SLC35F3: variants seen among roughly 807,000 people sequenced by gnomAD.
SLC35F3 encodes the protein solute carrier family 35 member F3, also known as putative thiamine transporter SLC35F3.
In SLC35F3, 25 loss-of-function variants were observed where a neutral mutation model predicts 49.9. The observed-to-expected ratio is 0.50, with a 90% CI of 0.37 to 0.70. The LOEUF is 0.70. Among genes scored for constraint, SLC35F3 ranks in the 30% least tolerant of loss-of-function variants. The pLI is 0.00. For missense variants in SLC35F3, 525 were observed against 639.8 expected (o/e 0.82, Z 1.94); for synonymous variants, 275 against 265.4 (o/e 1.04, Z -0.35).
chr1:234,102,780 C>G (rs984440579), intron 2 of SLC35F3, among the ~76,000 whole-genome samples: 1 of 152,214 alleles, frequency 6.6e-6, no homozygotes, highest in African/African-American at 2.4e-5. Context: ...TGCCGGCTTT[C>G]CACGCGAAGA....
intron 2 of SLC35F3, among the ~76,000 whole-genome samples, chr1:234,068,011 A>G (rs890021114): frequency 6.6e-6 from 1 of 152,212 alleles, no homozygotes; most frequent in Non-Finnish European, 1.5e-5. Flanking sequence ...GCTTGGTTTC[A>G]GGTAACCGAG....
chr1:234,225,946 T>C (rs1667279558), intron 2 of SLC35F3, among the ~76,000 whole-genome samples: 1 of 152,204 alleles, frequency 6.6e-6, no homozygotes, highest in African/African-American at 2.4e-5. Flanking sequence ...TGTATATGTA[T>C]ATGAAATGTT....
intron 2 of SLC35F3, among the ~76,000 whole-genome samples, chr1:233,910,387 G>A (rs1661855470): frequency 6.6e-6 from 1 of 152,210 alleles, no homozygotes. Context: ...ACATATCTTG[G>A]AGTTTCCAGA....
intron 3 of SLC35F3, among the ~76,000 whole-genome samples, chr1:234,276,320 C>T (rs1423271724): frequency 1.3e-5 from 2 of 152,112 alleles, no homozygotes; most frequent in African/African-American, 4.8e-5. Context: ...CCTGTCTTTT[C>T]TCATCCACAG....
At chr1:234,154,291 A>G (rs1666118943) in intron 2 of SLC35F3, among the ~76,000 whole-genome samples, 2 of 152,344 alleles carry the variant, frequency 1.3e-5, no homozygotes, top group African/African-American at 4.8e-5. Context: ...GGCACAGGAA[A>G]GGAGCTCAGA....
At chr1:234,009,427 T>C (rs551017869) in intron 2 of SLC35F3, among the ~76,000 whole-genome samples, 1 of 152,342 alleles carries the variant, frequency 6.6e-6, no homozygotes, top group African/African-American at 2.4e-5. Flanking sequence ...AAGGATGACA[T>C]GTAATCACAC....
chr1:233,945,258 G>T (rs1338863106), intron 2 of SLC35F3, among the ~76,000 whole-genome samples: 9 of 151,998 alleles, frequency 5.9e-5, no homozygotes, highest in African/African-American at 1.9e-4. Flanking sequence ...GCTCCTGAAG[G>T]CCAGGCGGCA....
At chr1:234,038,653 A>C (rs957580734) in intron 2 of SLC35F3, among the ~76,000 whole-genome samples, 1 of 152,212 alleles carries the variant, frequency 6.6e-6, no homozygotes, top group African/African-American at 2.4e-5. Context: ...AATGCTCATC[A>C]TCAGACTGTG....
At position 234,324,064 on chromosome 1, in the gene SLC35F3, G is replaced by A. The variant is rs1657698003; in HGVS notation, c.*821G>A. 6.6e-6 allele frequency: 1 copy of A among 152,250 alleles called. No individual in the cohort carries two copies. Among genetic ancestry groups the A allele is most frequent in the Non-Finnish European group, 1.5e-5 (1 of 68,060 alleles). The allele number at this position is 152,250 out of a possible 1,614,324, so 9.4% of individuals were successfully genotyped here. ...TGTCTGTGTACAAAAAAATGACAGA[G>A]CTGATGGCCAGTGTATACAGAGCGT... is the stretch of plus-strand genomic sequence containing the variant. On this transcript the variant is annotated 3_prime_UTR_variant, in exon 8 of 8. Coordinates refer to ENST00000366618, the MANE Select transcript of SLC35F3 (RefSeq NM_173508.4).
At chr1:233,951,471 A>G (rs902598801) in intron 2 of SLC35F3, among the ~76,000 whole-genome samples, 2 of 151,858 alleles carry the variant, frequency 1.3e-5, no homozygotes, top group Non-Finnish European at 2.9e-5. Flanking sequence ...AATCCATTAT[A>G]CCATATTTTT....
chr1:234,253,898 A>G (rs555292924), intron 3 of SLC35F3, among the ~76,000 whole-genome samples: 1 of 152,350 alleles, frequency 6.6e-6, no homozygotes, highest in South Asian at 2.1e-4. Context: ...TGTGAGGGGT[A>G]GAGTGAGATG....
intron 3 of SLC35F3, among the ~76,000 whole-genome samples, chr1:234,234,026 C>T (rs1667425291): frequency 6.6e-6 from 1 of 152,200 alleles, no homozygotes; most frequent in Admixed American, 6.5e-5. Flanking sequence ...ACATCACAGA[C>T]CTTCCTTAGG....
intron 2 of SLC35F3, among the ~76,000 whole-genome samples, chr1:234,177,399 C>A (rs1001349599): frequency 6.6e-6 from 1 of 152,178 alleles, no homozygotes; most frequent in African/African-American, 2.4e-5. Flanking sequence ...GAGGGAAGCA[C>A]CTCCAAGCCA....
At chr1:234,290,823 AC>A (rs1433249165) in intron 3 of SLC35F3, among the ~76,000 whole-genome samples, 1 of 152,160 alleles carries the variant, frequency 6.6e-6, no homozygotes, top group East Asian at 1.9e-4. Flanking sequence ...ACATTAAAGA[AC>A]CTGAGGGTTC....
At chr1:234,253,821 G>A (rs1667776430) in intron 3 of SLC35F3, among the ~76,000 whole-genome samples, 1 of 152,224 alleles carries the variant, frequency 6.6e-6, no homozygotes. Flanking sequence ...CTTGAACAAT[G>A]TCAAGGGCAA....
chr1:233,953,608 C>G (rs911432450), intron 2 of SLC35F3, among the ~76,000 whole-genome samples: 1 of 152,218 alleles, frequency 6.6e-6, no homozygotes, highest in Non-Finnish European at 1.5e-5. Context: ...GGATGCACCA[C>G]GCTGCCTTGG....
chr1:234,232,611 G>T (rs1667403178), intron 3 of SLC35F3, among the ~76,000 whole-genome samples: 1 of 150,730 alleles, frequency 6.6e-6, no homozygotes, highest in African/African-American at 2.4e-5. Flanking sequence ...ACTTTTATCA[G>T]CCCCAGAGGT....
intron 2 of SLC35F3, among the ~76,000 whole-genome samples, chr1:234,076,158 G>A (rs1664788511): frequency 6.6e-6 from 1 of 151,456 alleles, no homozygotes; most frequent in Admixed American, 6.6e-5. Context: ...TCACTCCTCG[G>A]TTTTTTTTCT....
chr1:234,210,475 C>T (rs1667032590), intron 2 of SLC35F3, among the ~76,000 whole-genome samples: 1 of 152,018 alleles, frequency 6.6e-6, no homozygotes, highest in Non-Finnish European at 1.5e-5. Flanking sequence ...ATGGCTTTGC[C>T]CAAAATGCTG....
Sources: gnomAD v4.1 joint callset for allele counts (sites outside exome capture counted in the v4.1 genomes callset) on GRCh38, gnomAD v4.1.1 for gene constraint, MANE v1.5 for transcripts, NCBI Gene and HGNC (gene_info 2026-07-23, HGNC 2026-07-21) for gene names.